Variants in RLF observed in about 807,000 individuals in gnomAD.
RLF encodes the protein zinc finger protein Rlf.
RLF carries 7 observed loss-of-function variants against 162.9 expected under a neutral mutation model. That is an observed-to-expected ratio of 0.04 (90% CI 0.02 to 0.08). The LOEUF is 0.08. Among genes scored for constraint, RLF ranks in the 10% least tolerant of loss-of-function variants. The probability of loss-of-function intolerance (pLI) is 1.00; values close to 1 mark genes in which losing one functional copy is unlikely to be tolerated. For synonymous variants in RLF, 782 were observed against 791.5 expected (o/e 0.99, Z 0.20); for missense variants, 1,664 against 2,244.7 (o/e 0.74, Z 5.23).
At chr1:40,212,723 T>C (rs2124548292) in intron 5 of RLF, among the ~76,000 whole-genome samples, 1 of 152,316 alleles carries the variant, frequency 6.6e-6, no homozygotes, top group South Asian at 2.1e-4. Flanking sequence ...GGTTGTTTCT[T>C]TTCCTGATGG....
intron 5 of RLF, among the ~76,000 whole-genome samples, chr1:40,207,637 C>T (rs767030750): frequency 6.6e-6 from 1 of 152,044 alleles, no homozygotes; most frequent in Non-Finnish European, 1.5e-5. Context: ...TTTTTGGAGA[C>T]AGAGTCTCTG....
chr1:40,225,213 C>T (rs76457403), intron 6 of RLF, among the ~76,000 whole-genome samples: 7,356 of 152,076 alleles, frequency 0.048, 581 homozygotes, highest in African/African-American at 0.17. Flanking sequence ...TAAACACATA[C>T]GCTAGAATTT....
chr1:40,181,429 CAAAA>C (rs1557740863), intron 1 of RLF, among the ~76,000 whole-genome samples: 1 of 152,014 alleles, frequency 6.6e-6, no homozygotes, highest in East Asian at 1.9e-4. Context: ...GACTCCATCT[CAAAA>C]AGAAAAGAAA....
intron 7 of RLF, among the ~76,000 whole-genome samples, chr1:40,232,190 A>G (rs1643160704): frequency 6.6e-6 from 1 of 151,336 alleles, no homozygotes; most frequent in African/African-American, 2.4e-5. Flanking sequence ...CCTAGGTGAC[A>G]GAGTGAGACT....
intron 1 of RLF, among the ~76,000 whole-genome samples, chr1:40,185,005 G>C (rs1411990761): frequency 6.6e-6 from 1 of 152,094 alleles, no homozygotes; most frequent in Non-Finnish European, 1.5e-5. Context: ...GAGAGGCCAA[G>C]GTGGGAGGAC....
chr1:40,209,412 T>C (rs757267412), intron 5 of RLF, among the ~76,000 whole-genome samples: 2 of 152,226 alleles, frequency 1.3e-5, no homozygotes, highest in African/African-American at 2.4e-5. Context: ...TGGCATATTT[T>C]AGACACCTTA....
At position 40,181,347 on chromosome 1, in the gene RLF, T is replaced by A. The variant is rs147554189; in HGVS notation, c.238-7708T>A. Among the ~76,000 whole-genome samples, 70 of 152,272 alleles carry A rather than the reference T, an allele frequency of 4.6e-4. 1 individual carries two copies. Among genetic ancestry groups the A allele is most frequent in the African/African-American group, 1.4e-3 (59 of 41,554 alleles). On this transcript the variant is annotated intron_variant, in intron 1 of 7. Coordinates refer to ENST00000372771, the MANE Select transcript of RLF (RefSeq NM_012421.4). ...TGGGAGAACGAGACAGGAGAATCGC[T>A]TGAACCTGGGAGGTGGAGGTTGCAT...
At chr1:40,167,247 T>C (rs1214303140) in intron 1 of RLF, among the ~76,000 whole-genome samples, 3 of 152,202 alleles carry the variant, frequency 2.0e-5, no homozygotes, top group Admixed American at 6.5e-5. Flanking sequence ...TACCTTGAGG[T>C]TGATGGCCAT....
At chr1:40,217,075 T>C (rs1224459115) in intron 5 of RLF, among the ~76,000 whole-genome samples, 1 of 152,090 alleles carries the variant, frequency 6.6e-6, no homozygotes, top group East Asian at 1.9e-4. Context: ...AATTCCAGAA[T>C]GTCCACTCAT....
chr1:40,223,549 G>A (rs1424799493), intron 6 of RLF, among the ~76,000 whole-genome samples: 1 of 152,168 alleles, frequency 6.6e-6, no homozygotes, highest in Non-Finnish European at 1.5e-5. Context: ...TTGGAAATGA[G>A]CATTTTGTTT....
intron 1 of RLF, among the ~76,000 whole-genome samples, chr1:40,176,221 G>A (rs1029459052): frequency 2.6e-5 from 4 of 152,172 alleles, no homozygotes; most frequent in Non-Finnish European, 5.9e-5. Flanking sequence ...GGAAGTCTTT[G>A]TATGGACAGA....
intron 1 of RLF, among the ~76,000 whole-genome samples, chr1:40,173,073 G>GTTTTTT (rs765020752): frequency 4.7e-5 from 6 of 129,000 alleles, no homozygotes; most frequent in East Asian, 4.3e-4. Flanking sequence ...TAACATTCAG[G>GTTTTTT]TTTTTTTTTT....
At chr1:40,178,869 G>A (rs929765610) in intron 1 of RLF, among the ~76,000 whole-genome samples, 1 of 151,620 alleles carries the variant, frequency 6.6e-6, no homozygotes, top group Non-Finnish European at 1.5e-5. Context: ...GAGCCTCGCT[G>A]TGTCACCCAG....
chr1:40,193,892 T>C (rs1642594187), intron 3 of RLF, among the ~76,000 whole-genome samples: 1 of 152,170 alleles, frequency 6.6e-6, no homozygotes, highest in Admixed American at 6.5e-5. Flanking sequence ...GTGAACATTT[T>C]TGGCTTATAT....
intron 1 of RLF, among the ~76,000 whole-genome samples, chr1:40,173,804 C>G (rs371901665): frequency 6.6e-6 from 1 of 152,124 alleles, no homozygotes; most frequent in African/African-American, 2.4e-5. Context: ...CGTGAGCCAC[C>G]GTGCCAGGCT....
chr1:40,161,671 G>T lies in RLF; in HGVS notation c.237+35G>T. 6.2e-7 allele frequency: 1 copy of T among 1,602,614 alleles called. No homozygotes were observed. The highest frequency in any genetic ancestry group is 8.5e-7 in the Non-Finnish European group (1 of 1,176,806). On this transcript the variant is annotated intron_variant, in intron 1 of 7. Coordinates refer to ENST00000372771, the MANE Select transcript of RLF (RefSeq NM_012421.4). The surrounding 1 kb of genome is among the most constrained non-coding windows in gnomAD (Gnocchi z 4.4). ...TGACTGGCTGGCTGAGGGCGGCGGG[G>T]CGGGGAAGTCAGGGAAGGAGGCCCT...
At chr1:40,168,985 C>T (rs780188709) in intron 1 of RLF, among the ~76,000 whole-genome samples, 46 of 151,972 alleles carry the variant, frequency 3.0e-4, no homozygotes, top group Non-Finnish European at 5.3e-4. Flanking sequence ...AAGAGCAAAA[C>T]TCCGTCTCAA....
chr1:40,166,129 T>G (rs997790130), intron 1 of RLF, among the ~76,000 whole-genome samples: 3 of 152,196 alleles, frequency 2.0e-5, no homozygotes, highest in Non-Finnish European at 2.9e-5. Context: ...TCTTTTGTAT[T>G]GACTTGTAAA....
intron 5 of RLF, among the ~76,000 whole-genome samples, chr1:40,217,845 CAT>C (rs1642945595): frequency 6.6e-6 from 1 of 152,146 alleles, no homozygotes; most frequent in African/African-American, 2.4e-5. Context: ...AAAGAAGTAA[CAT>C]ATAACCAGCA....
Sources: gnomAD v4.1 joint callset for allele counts (sites outside exome capture counted in the v4.1 genomes callset) on GRCh38, gnomAD v4.1.1 for gene constraint, Gnocchi (gnomAD v3.1) non-coding constraint, MANE v1.5 for transcripts, NCBI Gene and HGNC (gene_info 2026-07-23, HGNC 2026-07-21) for gene names.